LRRC28: variants seen among roughly 807,000 people sequenced by gnomAD.
The protein encoded by LRRC28 is leucine-rich repeat-containing protein 28.
LRRC28 carries 39 observed loss-of-function variants against 45.7 expected under a neutral mutation model. The observed-to-expected ratio is 0.85, with a 90% CI of 0.66 to 1.12. The LOEUF is 1.12. LRRC28 is among the 50% of genes most tolerant of loss of function. The probability of loss-of-function intolerance (pLI) is 0.00; values close to 1 mark genes in which losing one functional copy is unlikely to be tolerated. For missense variants in LRRC28, 435 were observed against 438.5 expected (o/e 0.99, Z 0.07); for synonymous variants, 206 against 178.8 (o/e 1.15, Z -1.22).
At position 99,293,593 on chromosome 15, in the gene LRRC28, C is replaced by CCAAAAAAAAA. The variant is rs747700282; in HGVS notation, c.385+5642_385+5643insCAAAAAAAAA. Reference sequence around the variant, plus strand: ...GGGCAACAAGAACGAAACTCTGTCACAAAAAAAAAAAAAAAAAAAAAAAAA... The same window carrying CCAAAAAAAAA: ...GGGCAACAAGAACGAAACTCTGTCACCAAAAAAAAAAAAAAAAAAAAAAAAAAAAAAAAAA... On this transcript the variant is annotated intron_variant, in intron 5 of 9. Coordinates refer to ENST00000301981, the MANE Select transcript of LRRC28 (RefSeq NM_144598.5). Among the ~76,000 whole-genome samples, 170 of 44,080 alleles carry CCAAAAAAAAA rather than the reference C, an allele frequency of 3.9e-3. 17 individuals carry two copies. The highest frequency in any genetic ancestry group is 6.5e-3 in the African/African-American group (84 of 12,882). 28.9% of individuals were successfully genotyped at this position (44,080 alleles called of 152,430 possible).
chr15:99,316,715 T>TA (rs142753859), intron 5 of LRRC28, among the ~76,000 whole-genome samples: 5 of 145,294 alleles, frequency 3.4e-5, no homozygotes, highest in Non-Finnish European at 4.5e-5. Flanking sequence ...AGAAAACTCT[T>TA]AAAAAAAAAA....
chr15:99,295,038 T>C (rs1389819058), intron 5 of LRRC28, among the ~76,000 whole-genome samples: 1 of 152,254 alleles, frequency 6.6e-6, no homozygotes, highest in Non-Finnish European at 1.5e-5. Context: ...ATTGTAGTTC[T>C]GGGTCACCTG....
At chr15:99,269,132 T>G (rs2081407089) in intron 2 of LRRC28, among the ~76,000 whole-genome samples, 1 of 152,220 alleles carries the variant, frequency 6.6e-6, no homozygotes, top group Non-Finnish European at 1.5e-5. Flanking sequence ...ATATCAGTCT[T>G]GATGTTTGTT....
rs1265076878 is a variant in LRRC28 at position 99,388,278 on chromosome 15, CATGGA to C, written c.*2182_*2186del. The C allele has an allele frequency of 6.6e-6, 1 of 152,192 alleles. No individual in the cohort carries two copies. Among genetic ancestry groups the C allele is most frequent in the Non-Finnish European group, 1.5e-5 (1 of 68,036 alleles). The allele number at this position is 152,192 out of a possible 1,614,324, so 9.4% of individuals were successfully genotyped here. A position where few individuals can be genotyped will look rare whatever the true frequency, so the allele number is the denominator to read the frequency against. On this transcript the variant is annotated 3_prime_UTR_variant, in exon 10 of 10. Transcript: ENST00000301981. ...TATTTCATCCTCTACAATCATATGT[CATGGA>C]ATGGAGCTATGAAATGTGCTAACTT...
chr15:99,294,049 T>C (rs544590199), intron 5 of LRRC28, among the ~76,000 whole-genome samples: 4 of 152,348 alleles, frequency 2.6e-5, no homozygotes, highest in Non-Finnish European at 5.9e-5. Flanking sequence ...AAGTCAGCCA[T>C]AATTTGTATC....
At chr15:99,280,128 A>G (rs1247464284) in intron 3 of LRRC28, among the ~76,000 whole-genome samples, 2 of 151,872 alleles carry the variant, frequency 1.3e-5, no homozygotes, top group African/African-American at 2.4e-5. Context: ...ATGCCTGTCC[A>G]TGTCTATTGC....
Position 99,388,639 on chromosome 15 carries a change from G to T in LRRC28, c.*2537G>T, listed in dbSNP as rs1048418597. On this transcript the variant is annotated 3_prime_UTR_variant, in exon 10 of 10. Transcript: ENST00000301981. The stretch of plus-strand genomic sequence containing the variant: ...CCAACTGGAGAAAATTTGCCTACAT[G>T]CTATATATTTGAATTGTGTCCAAAG... The T allele has an allele frequency of 2.0e-5, 3 of 152,194 alleles. No homozygotes were observed. Among genetic ancestry groups the T allele is most frequent in the Admixed American group, 2.0e-4 (3 of 15,280 alleles). The allele number at this position is 152,194 out of a possible 1,614,324, so 9.4% of individuals were successfully genotyped here.
Position 99,282,177 on chromosome 15 carries a change from G to GTTTTTTTTTTTTTTTTTTTTT in LRRC28, c.210-5066_210-5065insTTTTTTTTTTTTTTTTTTTTT, listed in dbSNP as rs766338889. 6.3e-3 allele frequency among the ~76,000 whole-genome samples: 621 copies of GTTTTTTTTTTTTTTTTTTTTT among 97,950 alleles called. 84 individuals are homozygous for GTTTTTTTTTTTTTTTTTTTTT. Among genetic ancestry groups the GTTTTTTTTTTTTTTTTTTTTT allele is most frequent in the African/African-American group, 0.015 (306 of 20,750 alleles). The allele number at this position is 97,950 out of a possible 152,430, so 64.3% of individuals were successfully genotyped here. ...GGATTCCTTATGCAAATTTTTGGAG[G>GTTTTTTTTTTTTTTTTTTTTT]TTTTTTTTTTTTTTGTAGCAGTAGC... On this transcript the variant is annotated intron_variant, in intron 3 of 9. Transcript: ENST00000301981.
Position 99,363,200 on chromosome 15 carries a change from G to T in LRRC28, c.966G>T (p.Met322Ile), listed in dbSNP as rs1419890034. ...LGHCHRCSEPMFTIVYPKLFP... is the reference protein window; with the variant it reads ...LGHCHRCSEPIFTIVYPKLFP... Reference sequence around the variant, plus strand: ...ACTGTCATCGGTGTAGTGAGCCTATGTTTACCATCGTCTACCCCAAGCTCT... The same window carrying T: ...ACTGTCATCGGTGTAGTGAGCCTATTTTTACCATCGTCTACCCCAAGCTCT... The change falls in exon 9 of 10, where the codon ATG (methionine) becomes ATT (isoleucine). Residue 322 changes from methionine to isoleucine, a missense_variant. By Grantham distance (10) the Met-to-Ile change is conservative. Transcript: ENST00000301981. The T allele has an allele frequency of 6.2e-7, 1 of 1,614,074 alleles. No individual in the cohort carries two copies. The highest frequency in any genetic ancestry group is 1.1e-5 in the South Asian group (1 of 91,084).
chr15:99,273,526 C>A (rs765732468), intron 2 of LRRC28, among the ~76,000 whole-genome samples: 3 of 151,110 alleles, frequency 2.0e-5, no homozygotes, highest in Non-Finnish European at 3.0e-5. Flanking sequence ...CGTGAGCCAC[C>A]GTGCCCGGCC....
At chr15:99,348,514 A>G (rs1323438874) in intron 6 of LRRC28, among the ~76,000 whole-genome samples, 2 of 152,102 alleles carry the variant, frequency 1.3e-5, no homozygotes, top group African/African-American at 4.8e-5. Context: ...TCCCGGCACC[A>G]TCTATTCAAG....
intron 5 of LRRC28, among the ~76,000 whole-genome samples, chr15:99,300,876 A>G (rs556040690): frequency 2.0e-5 from 3 of 152,338 alleles, no homozygotes; most frequent in East Asian, 1.9e-4. Context: ...ATTGTTGCAT[A>G]TATGTCCTGA....
intron 2 of LRRC28, among the ~76,000 whole-genome samples, chr15:99,257,327 C>G (rs1285648920): frequency 1.3e-5 from 2 of 152,114 alleles, no homozygotes; most frequent in East Asian, 3.9e-4. Flanking sequence ...GCTATGAAAC[C>G]ATATTAGTAC....
intron 5 of LRRC28, among the ~76,000 whole-genome samples, chr15:99,294,647 AAGGCAGCTCTCTG>A (rs1239156572): frequency 6.6e-6 from 1 of 152,172 alleles, no homozygotes; most frequent in Non-Finnish European, 1.5e-5. Flanking sequence ...AGAATGGAGC[AAGGCAGCTCTCTG>A]AGGCATCTTT....
At chr15:99,296,668 G>C (rs1043743675) in intron 5 of LRRC28, among the ~76,000 whole-genome samples, 1 of 152,170 alleles carries the variant, frequency 6.6e-6, no homozygotes, top group Non-Finnish European at 1.5e-5. Flanking sequence ...CATGACTGGA[G>C]GGGGGACTTG....
intron 3 of LRRC28, 102 bp downstream of exon 3, chr15:99,276,718 T>C (rs2081626974): frequency 2.1e-6 from 2 of 961,824 alleles, no homozygotes; most frequent in Non-Finnish European, 1.5e-6. Flanking sequence ...TTTGTTATTT[T>C]TTGGTATCAT....
At chr15:99,288,910 C>G (rs756138694) in intron 5 of LRRC28, among the ~76,000 whole-genome samples, 1 of 150,950 alleles carries the variant, frequency 6.6e-6, no homozygotes, top group South Asian at 2.1e-4. Context: ...AAACTCCTGA[C>G]GTCAAGTGAT....
Position 99,269,125 on chromosome 15 carries a change from T to G in LRRC28, c.169-7451T>G, listed in dbSNP as rs561154335. On this transcript the variant is annotated intron_variant, in intron 2 of 9. Transcript: ENST00000301981. ...GTAAGTTTTTGCTAAGTTAAAAATA[T>G]CAGTCTTGATGTTTGTTTTACATTT... 2.0e-5 allele frequency among the ~76,000 whole-genome samples: 3 copies of G among 152,334 alleles called. No homozygotes were observed. The South Asian group carries it at 6.2e-4, about 32-fold the overall frequency.
intron 2 of LRRC28, among the ~76,000 whole-genome samples, chr15:99,272,289 G>C (rs1302437787): frequency 3.3e-5 from 5 of 152,296 alleles, no homozygotes; most frequent in Admixed American, 2.0e-4. Flanking sequence ...CAGGAATGAA[G>C]CTGACAAAAC....
Sources: allele counts gnomAD v4.1 joint callset (sites outside exome capture counted in the v4.1 genomes callset), GRCh38; gene constraint gnomAD v4.1.1; transcripts MANE v1.5; gene names NCBI Gene and HGNC (gene_info 2026-07-23, HGNC 2026-07-21).